TRIM8: variants seen among roughly 807,000 people sequenced by gnomAD.
TRIM8 encodes E3 ubiquitin-protein ligase TRIM8.
Under a neutral mutation model 55.7 loss-of-function variants are expected in TRIM8, and 9 were observed. The observed-to-expected ratio is 0.16, with a 90% confidence interval of 0.10 to 0.28. TRIM8 has a LOEUF of 0.28. TRIM8 is among the 10% of genes least tolerant of loss of function. TRIM8 has a pLI of 1.00. For synonymous variants in TRIM8, 335 were observed against 333.3 expected, an observed-to-expected ratio of 1.01 and a Z score of -0.06; for missense variants, 556 against 736.4, an observed-to-expected ratio of 0.76 and a Z score of 2.83.
In TRIM8 at chr10:102,644,555, C is replaced by T; in HGVS notation, c.-63C>T. On this transcript the variant is annotated 5_prime_UTR_variant, in exon 1 of 6. Coordinates refer to ENST00000643721, the MANE Select transcript of TRIM8 (RefSeq NM_030912.3). ...GGGCTCGGTGGGCCTACAGCGGCTC[C>T]GGACGGACCCCCGGGGCTGGGGAGT... The T allele has an allele frequency of 6.5e-7, 1 of 1,535,778 alleles. No homozygotes were observed. The highest frequency in any genetic ancestry group is 8.8e-7 in the Non-Finnish European group (1 of 1,134,774).
Position 102,656,729 on chromosome 10 carries a change from T to C in TRIM8, c.1049-18T>C. The stretch of plus-strand genomic sequence containing the variant: ...TTGGGGTGGGAGCTTTGGCGACTTT[T>C]GCCCCAACTCTCCACAGGCCCCTTC... On this transcript the variant is annotated intron_variant, in intron 5 of 5. Coordinates refer to ENST00000643721, the MANE Select transcript of TRIM8 (RefSeq NM_030912.3). This position sits in a 1 kb window ranked among gnomAD's most constrained non-coding sequence, Gnocchi z 4.6. The C allele has an allele frequency of 6.6e-7, 1 of 1,507,556 alleles. No homozygotes were observed. The highest frequency in any genetic ancestry group is 8.8e-7 in the Non-Finnish European group (1 of 1,130,034). 93.4% of individuals were successfully genotyped at this position (1,507,556 alleles called of 1,614,324 possible).
chr10:102,645,313 C>A, intron 1 of TRIM8, 126 bp downstream of exon 1: 1 of 1,096,934 alleles, frequency 9.1e-7, no homozygotes, highest in Non-Finnish European at 1.2e-6. Context: ...TGGCCCCTGG[C>A]CAAACTCTTC....
intron 3 of TRIM8, 135 bp from the exon 4 acceptor site, chr10:102,655,970 GC>G: frequency 7.7e-7 from 1 of 1,299,168 alleles, no homozygotes. Context: ...CCCTACCCCT[GC>G]CACTTTCTGT....
rs2064031465 is a variant in TRIM8, at chr10:102,657,012, C to T, written c.1314C>T (p.Ser438=). The part of the protein sequence containing the change: ...LPGGAQPVHS[S]PVFPPSQYPN... ...GCGGCGCCCAACCAGTGCACTCAAG[C>T]CCCGTGTTCCCCCCATCGCAGTATC... The change falls in exon 6 of 6, where the codon AGC becomes AGT. Residue 438 remains serine, a synonymous_variant. Coordinates refer to ENST00000643721, the MANE Select transcript of TRIM8 (RefSeq NM_030912.3). 4 of 1,612,522 alleles carry T rather than the reference C, an allele frequency of 2.5e-6. No individual in the cohort carries two copies. The highest frequency in any genetic ancestry group is 2.2e-5 in the South Asian group (2 of 91,078).
At chr10:102,646,117 C>G (rs995771487) in intron 1 of TRIM8, among the ~76,000 whole-genome samples, 1 of 152,228 alleles carries the variant, frequency 6.6e-6, no homozygotes, top group African/African-American at 2.4e-5. Flanking sequence ...ACCGCCTCCC[C>G]CCTCAGGCCT....
intron 1 of TRIM8, among the ~76,000 whole-genome samples, chr10:102,649,033 G>GGTGTGTGTGT (rs58956109): frequency 2.0e-5 from 3 of 151,072 alleles, no homozygotes; most frequent in East Asian, 1.9e-4. Context: ...TCTGTCTGCA[G>GGTGTGTGTGT]GTGTGTGTGT....
Position 102,657,465 on chromosome 10 carries a change from T to G in TRIM8, c.*111T>G. ...CCTTCCTCGCCTCCCCTCTTCCTCATTCCATTGCCCCAGGTCTTTTCCTTT... is the reference window on the plus strand; with the variant it reads ...CCTTCCTCGCCTCCCCTCTTCCTCAGTCCATTGCCCCAGGTCTTTTCCTTT... On this transcript the variant is annotated 3_prime_UTR_variant, in exon 6 of 6. Coordinates refer to ENST00000643721, the MANE Select transcript of TRIM8 (RefSeq NM_030912.3). 1 of 1,286,388 alleles carries G rather than the reference T, an allele frequency of 7.8e-7. No individual in the cohort carries two copies. Among genetic ancestry groups the G allele is most frequent in the Non-Finnish European group, 1.1e-6 (1 of 948,624 alleles). 79.7% of individuals were successfully genotyped at this position (1,286,388 alleles called of 1,614,324 possible).
At position 102,644,566 on chromosome 10, in the gene TRIM8, C is replaced by A. The variant is rs2063917610; in HGVS notation, c.-52C>A. On this transcript the variant is annotated 5_prime_UTR_variant, in exon 1 of 6. Transcript: ENST00000643721. Reference sequence around the variant, plus strand: ...GCCTACAGCGGCTCCGGACGGACCCCCGGGGCTGGGGAGTCGGGGAGGCCT... The same window carrying A: ...GCCTACAGCGGCTCCGGACGGACCCACGGGGCTGGGGAGTCGGGGAGGCCT... 2 of 1,571,050 alleles carry A rather than the reference C, an allele frequency of 1.3e-6. No individual in the cohort carries two copies. Among genetic ancestry groups the A allele is most frequent in the Non-Finnish European group, 1.7e-6 (2 of 1,157,764 alleles).
Position 102,656,552 on chromosome 10 carries a change from C to T in TRIM8, c.1048+167C>T. On this transcript the variant is annotated intron_variant, in intron 5 of 5. Coordinates refer to ENST00000643721, the MANE Select transcript of TRIM8 (RefSeq NM_030912.3). The surrounding 1 kb of genome is among the most constrained non-coding windows in gnomAD (Gnocchi z 4.6). The stretch of plus-strand genomic sequence containing the variant: ...ACAGTGGGTAAGCAACATGACCTCC[C>T]CAGCCTCCATTTCTTCAGCTTAAAG... The T allele has an allele frequency of 5.3e-6, 7 of 1,311,780 alleles. No homozygotes were observed. The highest frequency in any genetic ancestry group is 7.2e-6 in the Non-Finnish European group (7 of 972,694). 81.3% of individuals were successfully genotyped at this position (1,311,780 alleles called of 1,614,324 possible). A position where few individuals can be genotyped will look rare whatever the true frequency, so the allele number is the denominator to read the frequency against.
chr10:102,649,792 C>T (rs2063965719), intron 1 of TRIM8, among the ~76,000 whole-genome samples: 1 of 152,160 alleles, frequency 6.6e-6, no homozygotes. Flanking sequence ...ACATGATAGC[C>T]CAAGGCAGTG....
At position 102,657,052 on chromosome 10, in the gene TRIM8, G is replaced by A. The variant is rs778102008; in HGVS notation, c.1354G>A (p.Ala452Thr). ...ATCGCAGTATCCCAATGGCTCCGCC[G>A]CCCAGCAGCCCATGCTCCCCCAGTA... The part of the protein sequence containing the change: ...PPSQYPNGSA[A>T]QQPMLPQYGG... The change falls in exon 6 of 6, where the codon GCC becomes ACC. Residue 452 changes from alanine (A) to threonine (T), a missense_variant. Ala to Thr is a moderately conservative substitution (Grantham distance 58, BLOSUM62 0). Coordinates refer to ENST00000643721, the MANE Select transcript of TRIM8 (RefSeq NM_030912.3). 14 of 1,613,036 alleles carry A rather than the reference G, an allele frequency of 8.7e-6. No individual in the cohort carries two copies. The highest frequency in any genetic ancestry group is 2.2e-5 in the South Asian group (2 of 91,078).
rs2064009326 is a variant in TRIM8 at position 102,654,646 on chromosome 10, C to T, written c.571-7C>T. On this transcript the variant is annotated splice_region_variant and splice_polypyrimidine_tract_variant and intron_variant, in intron 1 of 5. Coordinates refer to ENST00000643721, the MANE Select transcript of TRIM8 (RefSeq NM_030912.3). ...CCTCTGATACTCCCACCCAAATGTC[C>T]CTGCAGAAGATGCTCATGAAGCAGC... 3 of 1,612,180 alleles carry T rather than the reference C, an allele frequency of 1.9e-6. No individual in the cohort carries two copies. The highest frequency in any genetic ancestry group is 2.5e-6 in the Non-Finnish European group (3 of 1,178,390).
rs1397973227 is a variant in TRIM8, at chr10:102,644,498, C to G, written c.-120C>G. The G allele has an allele frequency of 3.4e-5, 32 of 944,376 alleles. No individual in the cohort carries two copies. Among genetic ancestry groups the G allele is most frequent in the Non-Finnish European group, 1.6e-5 (11 of 669,876 alleles). The allele number at this position is 944,376 out of a possible 1,614,324, so 58.5% of individuals were successfully genotyped here. A position where few individuals can be genotyped will look rare whatever the true frequency, so the allele number is the denominator to read the frequency against. On this transcript the variant is annotated 5_prime_UTR_variant, in exon 1 of 6. Transcript: ENST00000643721. The stretch of plus-strand genomic sequence containing the variant: ...CACGCGGAAGGCGCTGCTGACTGAG[C>G]GACCGTCGGGGCCGGCTGGGGCCGG...
chr10:102,645,219 A>G (rs1590103155), intron 1 of TRIM8, 32 bp downstream of exon 1: 1 of 1,486,162 alleles, frequency 6.7e-7, no homozygotes, highest in African/African-American at 1.4e-5. Context: ...GCGCACACAC[A>G]CACACACAGA....
At chr10:102,649,543 C>T (rs1333188700) in intron 1 of TRIM8, among the ~76,000 whole-genome samples, 2 of 152,244 alleles carry the variant, frequency 1.3e-5, no homozygotes, top group Non-Finnish European at 2.9e-5. Context: ...CCTTCCTTTC[C>T]CGGCTGGCCT....
chr10:102,644,997 C>T lies in TRIM8; in HGVS notation c.380C>T (p.Ser127Phe). ...GTGCAGACGCACCTGCAGCAGCCCT[C>T]CACCGCCCGCGGGCACCTCCTGGTG... ...SHVQTHLQQPSTARGHLLVEA... is the reference protein window; with the variant it reads ...SHVQTHLQQPFTARGHLLVEA... Residue 127 changes from serine (S) to phenylalanine (F), a missense_variant, in exon 1 of 6, where the codon TCC becomes TTC. By Grantham distance (155) the Ser-to-Phe change is radical (BLOSUM62 -2). Transcript: ENST00000643721. 1 of 1,597,766 alleles carries T rather than the reference C, an allele frequency of 6.3e-7. No individual in the cohort carries two copies. The highest frequency in any genetic ancestry group is 1.1e-5 in the South Asian group (1 of 89,932).
At chr10:102,651,155 G>T (rs994440136) in intron 1 of TRIM8, among the ~76,000 whole-genome samples, 2 of 152,176 alleles carry the variant, frequency 1.3e-5, no homozygotes, top group Admixed American at 6.5e-5. Context: ...GAGCCCAGTG[G>T]CCTCAGCAGC....
In TRIM8 at chr10:102,656,614, G is replaced by A. The variant is rs2064027068; in HGVS notation, c.1049-133G>A. The A allele has an allele frequency of 1.6e-5, 22 of 1,407,754 alleles. No individual in the cohort carries two copies. The highest frequency in any genetic ancestry group is 1.9e-5 in the Non-Finnish European group (20 of 1,044,448). The allele number at this position is 1,407,754 out of a possible 1,614,324, so 87.2% of individuals were successfully genotyped here. A position where few individuals can be genotyped will look rare whatever the true frequency, so the allele number is the denominator to read the frequency against. On this transcript the variant is annotated intron_variant, in intron 5 of 5. Coordinates refer to ENST00000643721, the MANE Select transcript of TRIM8 (RefSeq NM_030912.3). This position sits in a 1 kb window ranked among gnomAD's most constrained non-coding sequence, Gnocchi z 4.6. ...CTATTCTGTACCTCCTAATGGTAGA[G>A]GAGCAAGCATCACCTGAGATGTAAC...
chr10:102,656,196 G>T lies in TRIM8; in HGVS notation c.932+59G>T. ...ATCCTGGGGAGGGCAGGGGGGCCAG[G>T]CCCATGGCGGGGAGGTAGGGCGGGC... On this transcript the variant is annotated intron_variant, in intron 4 of 5. Coordinates refer to ENST00000643721, the MANE Select transcript of TRIM8 (RefSeq NM_030912.3). The surrounding 1 kb of genome is among the most constrained non-coding windows in gnomAD (Gnocchi z 4.6). 1 of 1,614,140 alleles carries T rather than the reference G, an allele frequency of 6.2e-7. No homozygotes were observed. The highest frequency in any genetic ancestry group is 1.1e-5 in the South Asian group (1 of 91,082).
Sources: allele counts gnomAD v4.1 joint callset (sites outside exome capture counted in the v4.1 genomes callset), GRCh38; gene constraint gnomAD v4.1.1; non-coding constraint Gnocchi (gnomAD v3.1); transcripts MANE v1.5; gene names NCBI Gene and HGNC (gene_info 2026-07-23, HGNC 2026-07-21).